The following DOK5 variants were observed in gnomAD, a reference collection of about 807,000 sequenced individuals.
DOK5 encodes downstream of tyrosine kinase 5.
DOK5 carries 27 observed loss-of-function variants against 43.3 expected under a neutral mutation model. The ratio of observed to expected loss-of-function variants is 0.62; its 90% CI spans 0.46 to 0.86. The LOEUF is 0.86. DOK5 is among the 40% of genes least tolerant of loss of function. The pLI is 0.00. For synonymous variants in DOK5, 146 were observed against 140.1 expected (o/e 1.04, Z -0.30); for missense variants, 373 against 392.9 (o/e 0.95, Z 0.43).
At chr20:54,530,312 G>T (rs1435509971) in intron 1 of DOK5, among the ~76,000 whole-genome samples, 5 of 152,122 alleles carry the variant, frequency 3.3e-5, no homozygotes, top group Non-Finnish European at 7.4e-5. Flanking sequence ...TTTTGAGATG[G>T]CTGTTCAGGG....
At chr20:54,606,882 G>A (rs1280335848) in intron 5 of DOK5, among the ~76,000 whole-genome samples, 5 of 152,156 alleles carry the variant, frequency 3.3e-5, no homozygotes, top group African/African-American at 1.2e-4. Context: ...TTACACCAAA[G>A]GCCTCATTTC....
chr20:54,548,426 A>G (rs969418091), intron 1 of DOK5, among the ~76,000 whole-genome samples: 10 of 151,572 alleles, frequency 6.6e-5, no homozygotes, highest in Admixed American at 2.6e-4. Flanking sequence ...TTATAGAGAT[A>G]GGATTTCACC....
At chr20:54,500,967 T>A (rs1341517389) in intron 1 of DOK5, among the ~76,000 whole-genome samples, 2 of 152,338 alleles carry the variant, frequency 1.3e-5, no homozygotes, top group Non-Finnish European at 2.9e-5. Context: ...GGTACGTAGT[T>A]TACTTGATAG....
intron 5 of DOK5, among the ~76,000 whole-genome samples, chr20:54,599,018 T>C (rs73144061): frequency 6.6e-6 from 1 of 152,364 alleles, no homozygotes; most frequent in Non-Finnish European, 1.5e-5. Flanking sequence ...TATTTTCTAT[T>C]TATTTGAATA....
chr20:54,490,868 G>T lies in DOK5; in HGVS notation c.66+14856G>T, dbSNP rs144671120. The stretch of plus-strand genomic sequence containing the variant: ...CTCCCAAAGTGCTGGGATTACAGGC[G>T]TGAGCCACCGCGCCCAGCCTCTTTT... On this transcript the variant is annotated intron_variant, in intron 1 of 7. Coordinates refer to ENST00000262593, the MANE Select transcript of DOK5 (RefSeq NM_018431.5). Among the ~76,000 whole-genome samples the T allele has an allele frequency of 3.3e-5, 5 of 152,138 alleles. No individual in the cohort carries two copies. The East Asian group carries it at 9.7e-4, about 29-fold the overall frequency.
At chr20:54,546,863 G>A (rs1446827965) in intron 1 of DOK5, among the ~76,000 whole-genome samples, 2 of 152,162 alleles carry the variant, frequency 1.3e-5, no homozygotes, top group African/African-American at 4.8e-5. Context: ...TTCCCCAATG[G>A]TGGACAGGGA....
intron 2 of DOK5, among the ~76,000 whole-genome samples, chr20:54,585,082 G>A (rs1176931779): frequency 6.6e-6 from 1 of 152,048 alleles, no homozygotes; most frequent in Non-Finnish European, 1.5e-5. Flanking sequence ...CTATACTTTA[G>A]CATGTGTATT....
At chr20:54,491,632 C>T (rs983823985) in intron 1 of DOK5, among the ~76,000 whole-genome samples, 11 of 152,298 alleles carry the variant, frequency 7.2e-5, no homozygotes, top group Middle Eastern at 3.4e-3. Context: ...GACGGAAATG[C>T]CTGCCCTCCT....
chr20:54,591,556 A>T (rs1269252602), intron 4 of DOK5, 60 bp from the exon 5 acceptor site: 2 of 1,332,344 alleles, frequency 1.5e-6, no homozygotes, highest in Non-Finnish European at 2.0e-6. Flanking sequence ...CTATGTTCCT[A>T]CAATGTCTTT....
intron 6 of DOK5, among the ~76,000 whole-genome samples, chr20:54,634,953 GATACCAAAAATAAA>G: frequency 6.6e-6 from 1 of 152,096 alleles, no homozygotes; most frequent in South Asian, 2.1e-4. Flanking sequence ...ATCACCCCTG[GATACCAAAAATAAA>G]ATTCTAAGCT....
intron 2 of DOK5, among the ~76,000 whole-genome samples, chr20:54,580,749 T>C (rs977982748): frequency 6.6e-6 from 1 of 152,154 alleles, no homozygotes; most frequent in Non-Finnish European, 1.5e-5. Context: ...TATTGAGTTA[T>C]ACGAATTTCT....
chr20:54,586,534 A>C (rs748744505), intron 2 of DOK5, among the ~76,000 whole-genome samples: 7 of 152,220 alleles, frequency 4.6e-5, no homozygotes, highest in Non-Finnish European at 5.9e-5. Context: ...AGGGAGCACA[A>C]TGATGAGCAG....
intron 2 of DOK5, among the ~76,000 whole-genome samples, chr20:54,564,362 C>T (rs564740575): frequency 3.0e-4 from 45 of 152,214 alleles, no homozygotes; most frequent in South Asian, 1.0e-3. Flanking sequence ...ACCTGGGACG[C>T]GGAGCTTGCA....
chr20:54,557,689 C>G (rs1215644597), intron 2 of DOK5, among the ~76,000 whole-genome samples: 2 of 152,170 alleles, frequency 1.3e-5, no homozygotes. Flanking sequence ...CTTCCCTTTT[C>G]CTGGAATGCT....
chr20:54,606,813 T>TCAGG (rs989181346), intron 5 of DOK5, among the ~76,000 whole-genome samples: 13 of 152,146 alleles, frequency 8.5e-5, no homozygotes, highest in African/African-American at 3.1e-4. Flanking sequence ...TCTTCATGGG[T>TCAGG]CAGGCTGTCC....
chr20:54,593,170 A>G (rs1476002820), intron 5 of DOK5, among the ~76,000 whole-genome samples: 1 of 152,054 alleles, frequency 6.6e-6, no homozygotes. Flanking sequence ...AGGCAGGAGA[A>G]TGGCGTGAAC....
At chr20:54,621,034 G>A (rs1286252687) in intron 6 of DOK5, among the ~76,000 whole-genome samples, 1 of 152,212 alleles carries the variant, frequency 6.6e-6, no homozygotes, top group Non-Finnish European at 1.5e-5. Context: ...ATGACCACAT[G>A]AAGAGAGTCA....
intron 6 of DOK5, among the ~76,000 whole-genome samples, chr20:54,627,174 C>A (rs1978336493): frequency 1.3e-5 from 2 of 151,838 alleles, no homozygotes; most frequent in South Asian, 4.1e-4. Flanking sequence ...GAAGTGAGTC[C>A]CTGAAAATAA....
chr20:54,590,490 C>T (rs1259085001), intron 4 of DOK5, among the ~76,000 whole-genome samples: 2 of 151,470 alleles, frequency 1.3e-5, no homozygotes, highest in Non-Finnish European at 1.5e-5. Context: ...TTAATATAGA[C>T]AGTCTTTCTT....
Sources: gnomAD v4.1 joint callset for allele counts (sites outside exome capture counted in the v4.1 genomes callset) on GRCh38, gnomAD v4.1.1 for gene constraint, MANE v1.5 for transcripts, NCBI Gene and HGNC (gene_info 2026-07-23, HGNC 2026-07-21) for gene names.